DZIP1: variants seen among roughly 807,000 people sequenced by gnomAD.
DZIP1 encodes the protein cilium assembly protein DZIP1.
Under a neutral mutation model 107.6 loss-of-function variants are expected in DZIP1, and 97 were observed. The observed-to-expected ratio is 0.90, with a 90% CI of 0.77 to 1.07. The LOEUF (loss-of-function observed/expected upper bound fraction) is 1.07. DZIP1 is among the 50% of genes least tolerant of loss of function. The probability of loss-of-function intolerance (pLI) is 0.00; values close to 1 mark genes in which losing one functional copy is unlikely to be tolerated. For missense variants in DZIP1, 1,035 were observed against 1,063.6 expected, an observed-to-expected ratio of 0.97 and a Z score of 0.37; for synonymous variants, 390 against 386.4, an observed-to-expected ratio of 1.01 and a Z score of -0.11.
rs375868497 is a variant in DZIP1 at position 95,613,694 on chromosome 13, G to A, written c.1174-1517C>T. Among the ~76,000 whole-genome samples, 6 of 152,258 alleles carry A rather than the reference G, an allele frequency of 3.9e-5. No homozygotes were observed. The East Asian group carries it at 1.2e-3, about 29-fold the overall frequency. The stretch of plus-strand genomic sequence containing the variant: ...CTTTTAGAAAATTAACACTCATTGT[G>A]TACTAGATGCACTTCATTTTGTTGA... On this transcript the variant is annotated intron_variant, in intron 10 of 22. Coordinates refer to ENST00000376829, the MANE Select transcript of DZIP1 (RefSeq NM_198968.4).
At chr13:95,600,449 G>T (rs891822630) in intron 14 of DZIP1, among the ~76,000 whole-genome samples, 6 of 152,130 alleles carry the variant, frequency 3.9e-5, no homozygotes, top group African/African-American at 1.4e-4. Flanking sequence ...GCTGGGCAGG[G>T]ATCCACATGT....
intron 8 of DZIP1, among the ~76,000 whole-genome samples, chr13:95,623,512 A>G (rs1289652321): frequency 6.6e-6 from 1 of 152,250 alleles, no homozygotes; most frequent in African/African-American, 2.4e-5. Flanking sequence ...TCCCACACAA[A>G]AATGCCACAG....
intron 7 of DZIP1, among the ~76,000 whole-genome samples, chr13:95,629,684 C>T (rs1440269009): frequency 6.6e-6 from 1 of 152,154 alleles, no homozygotes; most frequent in Non-Finnish European, 1.5e-5. Context: ...CCTCCTGACA[C>T]CTTGACTTTA....
intron 10 of DZIP1, among the ~76,000 whole-genome samples, chr13:95,616,622 A>G (rs543447683): frequency 7.2e-5 from 11 of 152,296 alleles, no homozygotes; most frequent in African/African-American, 2.6e-4. Flanking sequence ...AATAAAGAAA[A>G]GGGACTACCT....
chr13:95,622,264 T>A (rs1052306011), intron 9 of DZIP1, 79 bp downstream of exon 9: 2 of 1,576,594 alleles, frequency 1.3e-6, no homozygotes, highest in African/African-American at 2.7e-5. Flanking sequence ...ACACTTTTTC[T>A]GCAGATGACA....
At chr13:95,614,750 C>G (rs1028277876) in intron 10 of DZIP1, among the ~76,000 whole-genome samples, 1 of 152,128 alleles carries the variant, frequency 6.6e-6, no homozygotes, top group Non-Finnish European at 1.5e-5. Flanking sequence ...GACAACCTCC[C>G]AAGCTCTCAA....
chr13:95,588,001 T>C (rs559121990), intron 19 of DZIP1: 152 of 299,916 alleles, frequency 5.1e-4, no homozygotes, highest in Non-Finnish European at 7.5e-4. Context: ...CCCAAATGTG[T>C]ATATATTCTT....
In DZIP1 at chr13:95,622,597, CTGGACGCTCT is replaced by C. The variant is rs1876023142; in HGVS notation, c.973-127_973-118del. 11 of 1,188,936 alleles carry C rather than the reference CTGGACGCTCT, an allele frequency of 9.3e-6. No individual in the cohort carries two copies. In the South Asian group the frequency reaches 9.5e-5, roughly 10 times the overall value. 73.6% of individuals were successfully genotyped at this position (1,188,936 alleles called of 1,614,324 possible). On this transcript the variant is annotated intron_variant, in intron 8 of 22. Transcript: ENST00000376829. Reference sequence around the variant, plus strand: ...AATCTGACTGCCCTCTTGGACGCTCCTGGACGCTCTTGGACGCTTCTCCTGCTTCTGCTTC... The same window carrying C: ...AATCTGACTGCCCTCTTGGACGCTCCTGGACGCTTCTCCTGCTTCTGCTTC...
At chr13:95,599,497 T>G in intron 14 of DZIP1, 73 bp from the exon 15 acceptor site, 1 of 1,272,208 alleles carries the variant, frequency 7.9e-7, no homozygotes, top group Non-Finnish European at 1.1e-6. Context: ...TTTCAAATGA[T>G]TTTGAAAGAT....
intron 15 of DZIP1, among the ~76,000 whole-genome samples, chr13:95,597,582 G>C (rs931861327): frequency 6.6e-6 from 1 of 152,096 alleles, no homozygotes; most frequent in East Asian, 1.9e-4. Flanking sequence ...AAGCTTAAAC[G>C]CCTACATAAA....
At chr13:95,596,269 C>A (rs1218058002) in intron 15 of DZIP1, among the ~76,000 whole-genome samples, 2 of 152,112 alleles carry the variant, frequency 1.3e-5, no homozygotes, top group African/African-American at 4.8e-5. Flanking sequence ...TAAAGACTAG[C>A]ATTTCCTTCA....
chr13:95,603,046 C>T (rs190495475), intron 14 of DZIP1, among the ~76,000 whole-genome samples: 4 of 152,060 alleles, frequency 2.6e-5, no homozygotes, highest in East Asian at 1.9e-4. Flanking sequence ...TAAGTGGGAG[C>T]GGTGGGCTCA....
chr13:95,627,807 CAT>C (rs1437831454), intron 7 of DZIP1, among the ~76,000 whole-genome samples: 1 of 152,110 alleles, frequency 6.6e-6, no homozygotes, highest in Non-Finnish European at 1.5e-5. Flanking sequence ...AAAATGAAAA[CAT>C]ATGTCCACAT....
intron 12 of DZIP1, among the ~76,000 whole-genome samples, 177 bp downstream of exon 12, chr13:95,611,268 T>C (rs2139117480): frequency 6.6e-6 from 1 of 152,360 alleles, no homozygotes; most frequent in Admixed American, 6.5e-5. Flanking sequence ...TTCACCTTTC[T>C]GGGTTGTGGT....
At chr13:95,633,879 G>A (rs1877493901) in intron 5 of DZIP1, among the ~76,000 whole-genome samples, 1 of 152,098 alleles carries the variant, frequency 6.6e-6, no homozygotes, top group Admixed American at 6.5e-5. Flanking sequence ...TGAGCCAGGA[G>A]TTCGAGACCA....
rs9590303 is a variant in DZIP1 at position 95,579,901 on chromosome 13, G to C, written c.*2333C>G. The C allele has an allele frequency of 0.6, 90,865 of 151,982 alleles. 27,607 individuals carry two copies. The highest frequency in any genetic ancestry group is 0.68 in the African/African-American group (28,147 of 41,434). The allele number at this position is 151,982 out of a possible 1,614,324, so 9.4% of individuals were successfully genotyped here. A position where few individuals can be genotyped will look rare whatever the true frequency, so the allele number is the denominator to read the frequency against. On this transcript the variant is annotated 3_prime_UTR_variant, in exon 23 of 23. Transcript: ENST00000376829. ...ATTATTCAGAAGTGGTGCAGATAAC[G>C]CTTAGATTACACCGAAGAATTTAGG...
At position 95,609,376 on chromosome 13, in the gene DZIP1, A is replaced by G. The variant is rs544003185; in HGVS notation, c.1420+81T>C. On this transcript the variant is annotated intron_variant, in intron 13 of 22. Transcript: ENST00000376829. ...CATTGGTTTTCAAAGAAAAGCCTCTAAAAATAGTAAGTAAAAGTTATGTTT... is the reference window on the plus strand; with the variant it reads ...CATTGGTTTTCAAAGAAAAGCCTCTGAAAATAGTAAGTAAAAGTTATGTTT... The G allele has an allele frequency of 9.0e-5, 85 of 939,420 alleles. 1 individual carries two copies. The highest frequency in any genetic ancestry group is 1.2e-4 in the Non-Finnish European group (80 of 669,112). The allele number at this position is 939,420 out of a possible 1,614,324, so 58.2% of individuals were successfully genotyped here.
chr13:95,642,304 G>T, intron 3 of DZIP1, 63 bp from the exon 4 acceptor site: 1 of 396,892 alleles, frequency 2.5e-6, no homozygotes, highest in East Asian at 4.0e-5. Context: ...ACCCGAAGAG[G>T]GTACCTCCTG....
chr13:95,590,576 C>A, intron 16 of DZIP1, 135 bp from the exon 17 acceptor site: 2 of 828,924 alleles, frequency 2.4e-6, no homozygotes, highest in Non-Finnish European at 3.6e-6. Context: ...TAAGGGTGCC[C>A]CAACAAGTAA....
Sources: gnomAD v4.1 joint callset for allele counts (sites outside exome capture counted in the v4.1 genomes callset) on GRCh38, gnomAD v4.1.1 for gene constraint, MANE v1.5 for transcripts, NCBI Gene and HGNC (gene_info 2026-07-23, HGNC 2026-07-21) for gene names.